ZNF680: variants seen among roughly 807,000 people sequenced by gnomAD.
The protein encoded by ZNF680 is hypothetical protein FLJ90430.
In ZNF680, 6 loss-of-function variants were observed where a neutral mutation model predicts 12.1. The ratio of observed to expected loss-of-function variants is 0.49; its 90% confidence interval spans 0.27 to 0.98. The LOEUF (loss-of-function observed/expected upper bound fraction) is 0.98. Ranked by LOEUF, ZNF680 falls within the 50% of genes least tolerant of loss-of-function variation. The pLI, the probability that ZNF680 is intolerant of heterozygous loss-of-function variation, is 0.12. For synonymous variants in ZNF680, 170 were observed against 199.3 expected (o/e 0.85, Z 1.24); for missense variants, 561 against 616.3 (o/e 0.91, Z 0.95).
the ZNF680 span, among the ~76,000 whole-genome samples, chr7:64,514,740 T>G: frequency 6.6e-6 from 1 of 152,200 alleles, no homozygotes; most frequent in Non-Finnish European, 1.5e-5. Flanking sequence ...TTTTAACTTT[T>G]GCTTAAACCA....
intron 3 of ZNF680, among the ~76,000 whole-genome samples, chr7:64,526,730 C>T (rs1397949401): frequency 1.3e-5 from 2 of 151,912 alleles, no homozygotes; most frequent in Non-Finnish European, 2.9e-5. Context: ...ATAAATCTGT[C>T]GATACCCAAT....
At chr7:64,512,457 CAAAAAAAAAAA>C in the ZNF680 span, among the ~76,000 whole-genome samples, 9 of 87,240 alleles carry the variant, frequency 1.0e-4, no homozygotes, top group African/African-American at 2.6e-4. Flanking sequence ...CCGTCTCCAG[CAAAAAAAAAAA>C]AAAAAAAAAA....
intron 3 of ZNF680, among the ~76,000 whole-genome samples, chr7:64,537,723 C>T (rs1037956983): frequency 1.5e-4 from 23 of 152,062 alleles, no homozygotes; most frequent in Non-Finnish European, 2.6e-4. Flanking sequence ...GTCAGGAGAT[C>T]GAGACCATCC....
intron 3 of ZNF680, among the ~76,000 whole-genome samples, chr7:64,537,162 G>A (rs1388910575): frequency 1.3e-5 from 2 of 152,054 alleles, no homozygotes; most frequent in African/African-American, 2.4e-5. Context: ...AAAAGCAAAC[G>A]TAAAATTGGC....
chr7:64,502,365 G>T, the ZNF680 span, among the ~76,000 whole-genome samples: 1 of 151,782 alleles, frequency 6.6e-6, no homozygotes, highest in Non-Finnish European at 1.5e-5. Flanking sequence ...GCAGAAAGTA[G>T]TTTTTTTCAT....
the ZNF680 span, among the ~76,000 whole-genome samples, chr7:64,502,902 T>G: frequency 0.047 from 7,097 of 152,216 alleles, 250 homozygotes; most frequent in Non-Finnish European, 0.067. Context: ...TGAACTTTTT[T>G]TTTTTGAGAT....
At chr7:64,561,094 A>AT (rs1244426340) in intron 1 of ZNF680, 3 of 152,338 alleles carry the variant, frequency 2.0e-5, no homozygotes, top group Non-Finnish European at 4.4e-5. Flanking sequence ...TTTTCCCTCA[A>AT]TACCAGCATC....
chr7:64,518,737 T>C (rs766689187), downstream of ZNF680, among the ~76,000 whole-genome samples: 1 of 151,858 alleles, frequency 6.6e-6, no homozygotes, highest in Non-Finnish European at 1.5e-5. Flanking sequence ...AAACATGAAG[T>C]GGGGAAAGGA....
chr7:64,512,547 A>C, the ZNF680 span, among the ~76,000 whole-genome samples: 1 of 152,158 alleles, frequency 6.6e-6, no homozygotes, highest in African/African-American at 2.4e-5. Flanking sequence ...CATTCATAAA[A>C]GGTCCTAAAA....
intron 1 of ZNF680, chr7:64,561,368 A>C (rs1402181408): frequency 6.6e-6 from 1 of 152,360 alleles, no homozygotes; most frequent in Non-Finnish European, 1.5e-5. Context: ...GACAGTACTG[A>C]AACCCAGGAC....
intron 3 of ZNF680, among the ~76,000 whole-genome samples, chr7:64,522,934 A>G (rs1791624174): frequency 6.6e-6 from 1 of 151,404 alleles, no homozygotes; most frequent in African/African-American, 2.4e-5. Flanking sequence ...ACAAAATGGA[A>G]AAAAAAAAGA....
downstream of ZNF680, among the ~76,000 whole-genome samples, chr7:64,515,684 C>T (rs1172602895): frequency 6.6e-6 from 1 of 152,164 alleles, no homozygotes; most frequent in African/African-American, 2.4e-5. Flanking sequence ...TACATAAAAA[C>T]TTGCACAAAC....
chr7:64,504,341 T>C, the ZNF680 span, among the ~76,000 whole-genome samples: 1 of 152,200 alleles, frequency 6.6e-6, no homozygotes, highest in African/African-American at 2.4e-5. Context: ...TGGGTGGTAT[T>C]CACGTGCCAA....
intron 1 of ZNF680, among the ~76,000 whole-genome samples, chr7:64,560,575 G>A (rs1033269228): frequency 6.6e-6 from 1 of 152,134 alleles, no homozygotes; most frequent in Non-Finnish European, 1.5e-5. Context: ...ACTTTGGGAG[G>A]CCAAGGCGGG....
chr7:64,549,854 G>A (rs1165734680), intron 1 of ZNF680, among the ~76,000 whole-genome samples: 3 of 152,036 alleles, frequency 2.0e-5, no homozygotes, highest in Non-Finnish European at 2.9e-5. Context: ...GTGGTGGCAC[G>A]TGCCTGTAAT....
chr7:64,529,914 T>C (rs1215944343), intron 3 of ZNF680, among the ~76,000 whole-genome samples: 2 of 152,160 alleles, frequency 1.3e-5, no homozygotes, highest in African/African-American at 2.4e-5. Flanking sequence ...CCAGGTAACC[T>C]ATAAAGTAAA....
At chr7:64,540,310 T>C (rs1388570241) in intron 3 of ZNF680, among the ~76,000 whole-genome samples, 1 of 96,480 alleles carries the variant, frequency 1.0e-5, no homozygotes, top group Admixed American at 1.1e-4. Context: ...ATCCTTTTTT[T>C]TTTTTTTTTT....
chr7:64,539,973 T>A (rs917505227), intron 3 of ZNF680, among the ~76,000 whole-genome samples: 1 of 152,150 alleles, frequency 6.6e-6, no homozygotes, highest in Non-Finnish European at 1.5e-5. Context: ...CTTCAATGAA[T>A]TTAAGATGGT....
intron 3 of ZNF680, among the ~76,000 whole-genome samples, chr7:64,537,866 C>G (rs1786258752): frequency 6.6e-6 from 1 of 151,878 alleles, no homozygotes; most frequent in Admixed American, 6.6e-5. Flanking sequence ...GGAGGCAGAG[C>G]TTGCAGTGAG....
Sources: allele counts gnomAD v4.1 joint callset (sites outside exome capture counted in the v4.1 genomes callset), GRCh38; gene constraint gnomAD v4.1.1; transcripts MANE v1.5; gene names NCBI Gene and HGNC (gene_info 2026-07-23, HGNC 2026-07-21).